RUNX1T1: variants seen among roughly 807,000 people sequenced by gnomAD.
RUNX1T1 encodes RUNX1 partner transcriptional co-repressor 1, also known as protein CBFA2T1.
In RUNX1T1, 4 loss-of-function variants were observed where a neutral mutation model predicts 62.8. That is an observed-to-expected ratio of 0.06 (90% CI 0.03 to 0.15). The LOEUF (loss-of-function observed/expected upper bound fraction) is 0.15, where lower values mean the gene tolerates loss of function less well. RUNX1T1 is among the 10% of genes least tolerant of loss of function. The pLI, the probability that RUNX1T1 is intolerant of heterozygous loss-of-function variation, is 1.00. For missense variants in RUNX1T1, 508 were observed against 754.3 expected (o/e 0.67, Z 3.82); for synonymous variants, 291 against 286.0 (o/e 1.02, Z -0.18).
At chr8:91,958,951 T>C (rs1187069053) in exon 11 of RUNX1T1, 1 of 188,056 alleles carries the variant, frequency 5.3e-6, no homozygotes, top group African/African-American at 2.6e-5. Flanking sequence ...AGAGTCTTTT[T>C]TTCCTTTTTT....
chr8:92,054,287 A>C (rs1422120575), intron 1 of RUNX1T1, among the ~76,000 whole-genome samples: 1 of 152,190 alleles, frequency 6.6e-6, no homozygotes, highest in Non-Finnish European at 1.5e-5. Flanking sequence ...CCGCTGACAT[A>C]AAGATGAGGC....
intron 1 of RUNX1T1, among the ~76,000 whole-genome samples, chr8:92,060,553 A>ATATATATATATATATATATGTGTG: frequency 3.1e-5 from 2 of 63,946 alleles, no homozygotes; most frequent in African/African-American, 5.8e-5. Context: ...ATATATATAT[A>ATATATATATATATATATATGTGTG]TGTGTGTGTG....
intron 8 of RUNX1T1, chr8:91,977,149 C>T (rs1035498518): frequency 5.1e-6 from 1 of 197,116 alleles, no homozygotes; most frequent in Non-Finnish European, 1.1e-5. Context: ...TGAATTCTTG[C>T]AGGGCACACA....
intron 8 of RUNX1T1, among the ~76,000 whole-genome samples, chr8:91,976,643 C>T (rs1239639723): frequency 6.6e-6 from 1 of 152,212 alleles, no homozygotes; most frequent in African/African-American, 2.4e-5. Context: ...GCTGTGCTTA[C>T]TAGGCGTCTC....
intron 1 of RUNX1T1, among the ~76,000 whole-genome samples, chr8:92,018,113 A>T (rs945239472): frequency 6.6e-6 from 1 of 152,172 alleles, no homozygotes; most frequent in African/African-American, 2.4e-5. Flanking sequence ...TATTTTTTTC[A>T]TGAGTATGTG....
chr8:92,024,526 A>G (rs1289612812), intron 1 of RUNX1T1, among the ~76,000 whole-genome samples: 1 of 149,144 alleles, frequency 6.7e-6, no homozygotes, highest in Non-Finnish European at 1.5e-5. Flanking sequence ...AAAAAAAAGC[A>G]ACCCTGGCAT....
chr8:92,083,527 T>C (rs1015407670), intron 1 of RUNX1T1, among the ~76,000 whole-genome samples: 13 of 152,042 alleles, frequency 8.6e-5, no homozygotes, highest in African/African-American at 3.1e-4. Context: ...ATTAAAGAAA[T>C]GCAAATCAAA....
At chr8:92,020,178 C>T (rs546097041) in intron 1 of RUNX1T1, among the ~76,000 whole-genome samples, 26 of 152,166 alleles carry the variant, frequency 1.7e-4, no homozygotes, top group Non-Finnish European at 3.4e-4. Context: ...CCAGCCAGGC[C>T]TAATCCACAT....
chr8:91,976,841 A>C (rs1264612991), intron 8 of RUNX1T1, among the ~76,000 whole-genome samples: 2 of 152,222 alleles, frequency 1.3e-5, no homozygotes, highest in Non-Finnish European at 2.9e-5. Context: ...TTTCAATAAA[A>C]GCCTCCTTAT....
chr8:92,010,981 G>C (rs763084137), intron 4 of RUNX1T1, 21 bp downstream of exon 5: 1 of 1,357,938 alleles, frequency 7.4e-7, no homozygotes, highest in South Asian at 1.2e-5. Flanking sequence ...ATACTTTACA[G>C]ACCAGTGAAC....
At chr8:92,003,335 A>C (rs1214517347) in intron 5 of RUNX1T1, 2 of 456,266 alleles carry the variant, frequency 4.4e-6, no homozygotes. Context: ...AAAAGTCACA[A>C]TACATTCAAA....
At chr8:91,990,568 C>T (rs1817453755) in intron 6 of RUNX1T1, among the ~76,000 whole-genome samples, 3 of 152,154 alleles carry the variant, frequency 2.0e-5, no homozygotes, top group Admixed American at 1.3e-4. Flanking sequence ...TAAAAACTTA[C>T]CTTGTTCATC....
intron 5 of RUNX1T1, among the ~76,000 whole-genome samples, chr8:91,993,853 G>A (rs926844870): frequency 1.3e-5 from 2 of 152,086 alleles, no homozygotes; most frequent in Non-Finnish European, 2.9e-5. Context: ...GTAGCCGGGT[G>A]TAGTGGTGCA....
At chr8:92,062,429 C>T (rs1832193955) in intron 1 of RUNX1T1, 1 of 1,165,550 alleles carries the variant, frequency 8.6e-7, no homozygotes, top group Non-Finnish European at 1.3e-6. Flanking sequence ...CCCCCAGCCT[C>T]TTCCTGCCCA....
chr8:92,003,431 G>T, intron 5 of RUNX1T1: 1 of 454,860 alleles, frequency 2.2e-6, no homozygotes, highest in Non-Finnish European at 4.4e-6. Context: ...CCCTGTTATG[G>T]TTATTTAGCA....
At chr8:92,065,386 AG>A (rs1832726603), upstream of RUNX1T1, among the ~76,000 whole-genome samples, 2 of 152,362 alleles carry the variant, frequency 1.3e-5, no homozygotes, top group South Asian at 4.1e-4. Flanking sequence ...CCAATAACAA[AG>A]AATACATTAC....
chr8:92,098,397 C>T (rs1320272745), intron 1 of RUNX1T1, among the ~76,000 whole-genome samples: 1 of 152,142 alleles, frequency 6.6e-6, no homozygotes, highest in Non-Finnish European at 1.5e-5. Context: ...GTTTTATATG[C>T]ATAAGCTAAA....
chr8:92,087,097 A>G (rs1041315891), intron 1 of RUNX1T1, among the ~76,000 whole-genome samples: 2 of 152,066 alleles, frequency 1.3e-5, no homozygotes, highest in African/African-American at 4.8e-5. Flanking sequence ...CAAATATATA[A>G]AGCAATTTAT....
At chr8:92,036,816 C>T (rs1413244775) in intron 1 of RUNX1T1, among the ~76,000 whole-genome samples, 1 of 152,156 alleles carries the variant, frequency 6.6e-6, no homozygotes, top group African/African-American at 2.4e-5. Context: ...AGTTAACCTT[C>T]AGTGTTTCCT....
Sources: allele counts gnomAD v4.1 joint callset (sites outside exome capture counted in the v4.1 genomes callset), GRCh38; gene constraint gnomAD v4.1.1; transcripts MANE v1.5; gene names NCBI Gene and HGNC (gene_info 2026-07-23, HGNC 2026-07-21).